NBPF6: variants seen among roughly 807,000 people sequenced by gnomAD.
The protein encoded by NBPF6 is NBPF family member NBPF6.
A neutral mutation model predicts 20.8 loss-of-function variants in NBPF6; 2 were observed. That is an observed-to-expected ratio of 0.10 (90% CI 0.04 to 0.30). The LOEUF (loss-of-function observed/expected upper bound fraction) is 0.30, where lower values mean the gene tolerates loss of function less well. Among genes scored for constraint, NBPF6 ranks in the 10% least tolerant of loss-of-function variants. The probability of loss-of-function intolerance (pLI) is 1.00; values close to 1 mark genes in which losing one functional copy is unlikely to be tolerated. For missense variants in NBPF6, 85 were observed against 260.3 expected (o/e 0.33, Z 4.63); for synonymous variants, 24 against 100.0 (o/e 0.24, Z 4.53).
the NBPF6 span, among the ~76,000 whole-genome samples, chr1:108,426,446 T>TAAATAAATAAATAAAC: frequency 1.2e-4 from 11 of 88,144 alleles, 2 homozygotes; most frequent in African/African-American, 4.6e-4. Context: ...AATAAATAAA[T>TAAATAAATAAATAAAC]AAACAAACAA....
rs1218390878 is a variant in NBPF6, at chr1:108,465,120, G to T, written c.1424-68G>T. On this transcript the variant is annotated intron_variant, in intron 12 of 14. Transcript: ENST00000495380. ...ACTGAGAGCAGGGACATCAGGGATG[G>T]GTGTTCTGGGATGACTTAACAAAGG... The T allele has an allele frequency of 5.3e-6, 3 of 567,028 alleles. 1 individual carries two copies. In the East Asian group the frequency reaches 1.1e-4, roughly 21 times the overall value. 35.1% of individuals were successfully genotyped at this position (567,028 alleles called of 1,614,324 possible).
chr1:108,437,747 AAAGG>A, the NBPF6 span, among the ~76,000 whole-genome samples: 228 of 33,596 alleles, frequency 6.8e-3, 1 homozygote, highest in Middle Eastern at 0.041. Flanking sequence ...GGAAGGAAGG[AAAGG>A]AAGGAAGGAA....
In NBPF6 at chr1:108,471,564, T is replaced by G. The variant is rs1325101446; in HGVS notation, c.*926T>G. Among the ~76,000 whole-genome samples the G allele has an allele frequency of 6.6e-6, 1 of 151,130 alleles. No individual in the cohort carries two copies. Among genetic ancestry groups the G allele is most frequent in the Non-Finnish European group, 1.5e-5 (1 of 68,036 alleles). Reference sequence around the variant, plus strand: ...ATAAATATCCTGTATTCTAACAATCTTCTTCTGAGTATTTTATCATCAATT... The same window carrying G: ...ATAAATATCCTGTATTCTAACAATCGTCTTCTGAGTATTTTATCATCAATT... On this transcript the variant is annotated 3_prime_UTR_variant, in exon 15 of 15. Transcript: ENST00000495380.
chr1:108,459,589 C>T (rs1179998273), intron 9 of NBPF6, among the ~76,000 whole-genome samples: 2 of 115,388 alleles, frequency 1.7e-5, no homozygotes, highest in Non-Finnish European at 3.8e-5. Flanking sequence ...TAAAATTTAA[C>T]ATCATTTAAA....
At chr1:108,436,154 A>G in the NBPF6 span, among the ~76,000 whole-genome samples, 1 of 75,182 alleles carries the variant, frequency 1.3e-5, no homozygotes, top group East Asian at 4.3e-4. Context: ...TATAAATTCA[A>G]TGCAATTCCA....
chr1:108,429,800 CTGT>C, the NBPF6 span, among the ~76,000 whole-genome samples: 1 of 105,628 alleles, frequency 9.5e-6, no homozygotes, highest in East Asian at 2.7e-4. Context: ...AATGTATATT[CTGT>C]TGTTTTGGGT....
chr1:108,449,418 A>ATC (rs1231526699), upstream of NBPF6, among the ~76,000 whole-genome samples: 9 of 3,396 alleles, frequency 2.7e-3, 2 homozygotes, highest in African/African-American at 4.0e-3. Flanking sequence ...TAGAACAACT[A>ATC]TATATATATA....
At position 108,471,597 on chromosome 1, in the gene NBPF6, C is replaced by T. The variant is rs1454375609; in HGVS notation, c.*959C>T. 1.3e-5 allele frequency among the ~76,000 whole-genome samples: 2 copies of T among 152,118 alleles called. No homozygotes were observed. The highest frequency in any genetic ancestry group is 2.9e-5 in the Non-Finnish European group (2 of 68,030). ...AGTATTTTATCATCAATTAATCACCCCTGCCTGTGTCAGTTATTATATTTA... is the reference window on the plus strand; with the variant it reads ...AGTATTTTATCATCAATTAATCACCTCTGCCTGTGTCAGTTATTATATTTA... On this transcript the variant is annotated 3_prime_UTR_variant, in exon 15 of 15. Coordinates refer to ENST00000495380, the MANE Select transcript of NBPF6 (RefSeq NM_001143988.2).
chr1:108,467,392 A>G, intron 13 of NBPF6, 59 bp from the exon 14 acceptor site: 1 of 1,341,336 alleles, frequency 7.5e-7, no homozygotes, highest in Non-Finnish European at 1.0e-6. Context: ...GGTGGAAGAG[A>G]AAGTTACGGT....
At chr1:108,459,627 A>G (rs1311303346) in intron 9 of NBPF6, among the ~76,000 whole-genome samples, 1 of 58,176 alleles carries the variant, frequency 1.7e-5, no homozygotes, top group Non-Finnish European at 3.7e-5. Context: ...CTGTTATAGG[A>G]CATGATATTC....
At position 108,452,980 on chromosome 1, in the gene NBPF6, T is replaced by TG. The variant is rs1652926791; in HGVS notation, c.279-201_279-200insG. 4.2e-5 allele frequency among the ~76,000 whole-genome samples: 2 copies of TG among 47,418 alleles called. 1 individual carries two copies. Among genetic ancestry groups the TG allele is most frequent in the African/African-American group, 1.5e-4 (2 of 13,710 alleles). 31.1% of individuals were successfully genotyped at this position (47,418 alleles called of 152,430 possible). Reference sequence around the variant, plus strand: ...TGTGTGTGTGTGTGTGTATGTTTGTTTGTGTGTGTGTGTGTGTGTGTGTGT... The same window carrying TG: ...TGTGTGTGTGTGTGTGTATGTTTGTTGTGTGTGTGTGTGTGTGTGTGTGTGT... On this transcript the variant is annotated intron_variant, in intron 3 of 14. Transcript: ENST00000495380.
At chr1:108,437,869 G>A in the NBPF6 span, among the ~76,000 whole-genome samples, 1 of 41,392 alleles carries the variant, frequency 2.4e-5, no homozygotes, top group African/African-American at 9.0e-5. Context: ...GGAGAAAAAA[G>A]AAAGAAAGAA....
chr1:108,467,708 C>A (rs1365471773), intron 14 of NBPF6, 43 bp downstream of exon 14: 1 of 1,548,060 alleles, frequency 6.5e-7, no homozygotes, highest in East Asian at 2.4e-5. Context: ...CTTCTTATTT[C>A]TCTGTCTATG....
the NBPF6 span, among the ~76,000 whole-genome samples, chr1:108,437,768 G>A: frequency 6.2e-3 from 151 of 24,466 alleles, 1 homozygote; most frequent in African/African-American, 0.013. Context: ...GGAAGGAAGG[G>A]AGGGAGGGAG....
the NBPF6 span, among the ~76,000 whole-genome samples, chr1:108,435,861 A>C: frequency 1.6e-5 from 1 of 61,810 alleles, no homozygotes; most frequent in African/African-American, 4.6e-5. Context: ...TGTCACTGCC[A>C]AATGTAACTT....
At chr1:108,468,092 T>G (rs1653245763) in intron 14 of NBPF6, among the ~76,000 whole-genome samples, 1 of 151,230 alleles carries the variant, frequency 6.6e-6, no homozygotes, top group African/African-American at 2.4e-5. Flanking sequence ...CACGAAGATT[T>G]TCCTCTTGAG....
chr1:108,448,334 A>G (rs1276518522), upstream of NBPF6, among the ~76,000 whole-genome samples: 7 of 148,300 alleles, frequency 4.7e-5, no homozygotes, highest in African/African-American at 1.7e-4. Context: ...CTTAATGAGA[A>G]TCATTGGTAC....
At position 108,467,659 on chromosome 1, in the gene NBPF6, T is replaced by A. The variant is rs151027735; in HGVS notation, c.1869T>A (p.Ser623Arg). 22 of 1,543,262 alleles carry A rather than the reference T, an allele frequency of 1.4e-5. 1 individual carries two copies. Among genetic ancestry groups the A allele is most frequent in the Non-Finnish European group, 1.9e-5 (22 of 1,142,640 alleles). ...AFRFAGPHAE[S>R]AEIPNTAERM... ...GATTCGCTGGCCCGCATGCTGAGAG[T>A]GCAGAGGTAATCACATCTATGGCTG... Residue 623 changes from serine to arginine, a missense_variant, in exon 14 of 15, where the codon AGT (serine) becomes AGA (arginine). Physicochemically the swap from Ser to Arg is moderately radical, Grantham distance 110 (BLOSUM62 -1). This residue lies in a region of NBPF6 where 31 missense variants were observed against 21.0 expected (regional missense o/e 1.48). Coordinates refer to ENST00000495380, the MANE Select transcript of NBPF6 (RefSeq NM_001143988.2).
In NBPF6 at chr1:108,470,597, A is replaced by T. The variant is rs1390767550; in HGVS notation, c.1876A>T (p.Ile626Leu). 5.2e-6 allele frequency: 8 copies of T among 1,552,230 alleles called. No homozygotes were observed. In the South Asian group the frequency reaches 8.3e-5, roughly 16 times the overall value. The change falls in exon 15 of 15, where the codon ATA becomes TTA. Residue 626 changes from isoleucine to leucine, a missense_variant and splice_region_variant. Physicochemically the swap from Ile to Leu is conservative, Grantham distance 5 (BLOSUM62 2). Transcript: ENST00000495380. The stretch of plus-strand genomic sequence containing the variant: ...TTTTTTTTCTCTCTCTCCCCTACAG[A>T]TACCAAATACTGCTGAAAGGATGCA... ...FAGPHAESAE[I>L]PNTAERMQRM...
Sources: allele counts gnomAD v4.1 joint callset (sites outside exome capture counted in the v4.1 genomes callset), GRCh38; gene constraint gnomAD v4.1.1; regional missense constraint gnomAD v4.1.1; transcripts MANE v1.5; gene names NCBI Gene and HGNC (gene_info 2026-07-23, HGNC 2026-07-21).